Variants in PARN observed in about 807,000 individuals in gnomAD.
The protein encoded by PARN is poly(A)-specific ribonuclease PARN.
Under a neutral mutation model 102.8 loss-of-function variants are expected in PARN, and 71 were observed. The ratio of observed to expected loss-of-function variants is 0.69; its 90% CI spans 0.57 to 0.84. The LOEUF is 0.84. Among genes scored for constraint, PARN ranks in the 40% least tolerant of loss-of-function variants. PARN has a pLI of 0.00. For missense variants in PARN, 782 were observed against 760.9 expected, an observed-to-expected ratio of 1.03 and a Z score of -0.33; for synonymous variants, 261 against 252.9, an observed-to-expected ratio of 1.03 and a Z score of -0.30.
At chr16:14,594,348 T>A (rs1382709224) in intron 12 of PARN, among the ~76,000 whole-genome samples, 1 of 152,200 alleles carries the variant, frequency 6.6e-6, no homozygotes, top group Non-Finnish European at 1.5e-5. Context: ...TTAGTCCATT[T>A]TGATAAAAAT....
At chr16:14,501,294 C>CAATAAT (rs113060340) in intron 21 of PARN, among the ~76,000 whole-genome samples, 217 of 142,166 alleles carry the variant, frequency 1.5e-3, no homozygotes, top group South Asian at 3.2e-3. Flanking sequence ...AACAAAAAAA[C>CAATAAT]AATAATAATA....
intron 21 of PARN, among the ~76,000 whole-genome samples, chr16:14,534,087 C>T (rs1258747540): frequency 6.6e-6 from 1 of 152,004 alleles, no homozygotes; most frequent in Non-Finnish European, 1.5e-5. Context: ...GGCATGGTGG[C>T]ATGCTCCTGT....
chr16:14,463,877 G>A (rs111571094), intron 22 of PARN, among the ~76,000 whole-genome samples: 23,036 of 142,582 alleles, frequency 0.16, 2,261 homozygotes, highest in Middle Eastern at 0.28. Context: ...CTGTCACCCA[G>A]GCTGGAGTGC....
intron 14 of PARN, among the ~76,000 whole-genome samples, chr16:14,585,550 T>C (rs1165241873): frequency 6.6e-6 from 1 of 152,090 alleles, no homozygotes; most frequent in African/African-American, 2.4e-5. Context: ...ATGTGACATA[T>C]GACCTATCAG....
At chr16:14,494,299 G>C (rs1005532669) in intron 21 of PARN, among the ~76,000 whole-genome samples, 2 of 152,194 alleles carry the variant, frequency 1.3e-5, no homozygotes, top group Non-Finnish European at 1.5e-5. Context: ...CTGAGGCTGA[G>C]AGTGAAATCA....
chr16:14,572,735 CAGA>C (rs1417547092), intron 18 of PARN, among the ~76,000 whole-genome samples: 15 of 152,328 alleles, frequency 9.8e-5, no homozygotes, highest in African/African-American at 3.4e-4. Flanking sequence ...TAGGTACTAG[CAGA>C]AGTAGACACT....
chr16:14,556,087 TG>T (rs1384321119), intron 18 of PARN, among the ~76,000 whole-genome samples: 2 of 151,542 alleles, frequency 1.3e-5, no homozygotes, highest in African/African-American at 4.8e-5. Context: ...TACCTGCCTC[TG>T]CCTCCCAAAG....
In PARN at chr16:14,489,271, G is replaced by A. The variant is rs557388530; in HGVS notation, c.1481-6444C>T. Among the ~76,000 whole-genome samples the A allele has an allele frequency of 3.9e-4, 59 of 151,996 alleles. 1 individual carries two copies. In the South Asian group the frequency reaches 0.012, roughly 31 times the overall value. On this transcript the variant is annotated intron_variant, in intron 21 of 23. Transcript: ENST00000437198. ...GTTTTAATTCTTTGGTTGAGTGGTG[G>A]TTTCACAGATGTGCATTACATTTTA... is the stretch of plus-strand genomic sequence containing the variant.
intron 22 of PARN, among the ~76,000 whole-genome samples, chr16:14,481,729 A>T (rs1963395317): frequency 6.6e-6 from 1 of 152,046 alleles, no homozygotes; most frequent in African/African-American, 2.4e-5. Flanking sequence ...ATTATGGCTA[A>T]TTTTTTTCTC....
chr16:14,604,360 A>T, intron 10 of PARN, 134 bp from the exon 11 acceptor site: 1 of 615,066 alleles, frequency 1.6e-6, no homozygotes, highest in Non-Finnish European at 2.9e-6. Flanking sequence ...TCCTGGGTTC[A>T]AGCGATTATC....
At position 14,617,627 on chromosome 16, in the gene PARN, T is replaced by C. The variant is rs1456265470; in HGVS notation, c.351A>G (p.Ala117=). The C allele has an allele frequency of 2.5e-6, 4 of 1,597,718 alleles. No individual in the cohort carries two copies. Among genetic ancestry groups the C allele is most frequent in the Non-Finnish European group, 3.4e-6 (4 of 1,165,080 alleles). The part of the protein sequence containing the change: ...VCQSSSIDFL[A]SQGFDFNKVF... ...CTTTATTAAAATCAAATCCCTGGCTTGCTAGAAAGTCAATGCTGGAGCTCT... is the reference window on the plus strand; with the variant it reads ...CTTTATTAAAATCAAATCCCTGGCTCGCTAGAAAGTCAATGCTGGAGCTCT... The change falls in exon 6 of 24, where the codon GCA becomes GCG. Residue 117 remains alanine, a synonymous_variant. Coordinates refer to ENST00000437198, the MANE Select transcript of PARN (RefSeq NM_002582.4).
intron 21 of PARN, among the ~76,000 whole-genome samples, chr16:14,532,801 C>T (rs1457394377): frequency 5.4e-5 from 8 of 147,932 alleles, no homozygotes; most frequent in South Asian, 2.2e-4. Context: ...GCTGGCCGGG[C>T]GGGGGGCTGA....
chr16:14,545,528 T>A (rs1966884729), intron 21 of PARN, among the ~76,000 whole-genome samples: 1 of 152,174 alleles, frequency 6.6e-6, no homozygotes, highest in African/African-American at 2.4e-5. Flanking sequence ...ACGCAGTACT[T>A]AGAGGATAAT....
In PARN at chr16:14,630,255, G is replaced by A; in HGVS notation, c.-130C>T. 1.3e-6 allele frequency: 1 copy of A among 790,874 alleles called. No individual in the cohort carries two copies. The highest frequency in any genetic ancestry group is 2.8e-5 in the Admixed American group (1 of 35,886). The allele number at this position is 790,874 out of a possible 1,614,324, so 49.0% of individuals were successfully genotyped here. A position where few individuals can be genotyped will look rare whatever the true frequency, so the allele number is the denominator to read the frequency against. The stretch of plus-strand genomic sequence containing the variant: ...AGCGGTGACGCCGGCCGCGACTTCC[G>A]GAAACAGCGCGCGCCTGCTGCGCTT... On this transcript the variant is annotated 5_prime_UTR_variant, in exon 1 of 24. Coordinates refer to ENST00000437198, the MANE Select transcript of PARN (RefSeq NM_002582.4).
chr16:14,543,649 A>G (rs1266370442), intron 21 of PARN, among the ~76,000 whole-genome samples: 1 of 152,236 alleles, frequency 6.6e-6, no homozygotes, highest in Non-Finnish European at 1.5e-5. Context: ...TAGATATTTA[A>G]ATTTGTAAAG....
In PARN at chr16:14,584,340, T is replaced by C; in HGVS notation, c.1081+7A>G. Reference sequence around the variant, plus strand: ...AGTTTGGAGGGTTTCCGGTTTAATATTCTTACCAACTTTAGGAGGGTTGAA... The same window carrying C: ...AGTTTGGAGGGTTTCCGGTTTAATACTCTTACCAACTTTAGGAGGGTTGAA... On this transcript the variant is annotated splice_region_variant and intron_variant, in intron 16 of 23. Coordinates refer to ENST00000437198, the MANE Select transcript of PARN (RefSeq NM_002582.4). The C allele has an allele frequency of 6.3e-7, 1 of 1,595,436 alleles. No individual in the cohort carries two copies. Among genetic ancestry groups the C allele is most frequent in the Non-Finnish European group, 8.6e-7 (1 of 1,163,322 alleles).
intron 16 of PARN, among the ~76,000 whole-genome samples, chr16:14,583,078 G>A (rs1327374136): frequency 6.6e-6 from 1 of 152,142 alleles, no homozygotes; most frequent in African/African-American, 2.4e-5. Flanking sequence ...CTATAATGCT[G>A]GCCTTGGATC....
intron 12 of PARN, among the ~76,000 whole-genome samples, chr16:14,596,405 CCT>C (rs1475827899): frequency 4.0e-5 from 6 of 151,356 alleles, no homozygotes; most frequent in African/African-American, 1.2e-4. Flanking sequence ...AAAAAAAATC[CCT>C]GAGTCCATAC....
At chr16:14,626,304 GTTTAT>G (rs1235117672) in intron 5 of PARN, among the ~76,000 whole-genome samples, 2 of 152,230 alleles carry the variant, frequency 1.3e-5, no homozygotes, top group East Asian at 1.9e-4. Flanking sequence ...CAAGTCTTTT[GTTTAT>G]TTTAATTTTT....
Sources: allele counts gnomAD v4.1 joint callset (sites outside exome capture counted in the v4.1 genomes callset), GRCh38; gene constraint gnomAD v4.1.1; transcripts MANE v1.5; gene names NCBI Gene and HGNC (gene_info 2026-07-23, HGNC 2026-07-21).